ANKS1B: variants seen among roughly 807,000 people sequenced by gnomAD.
The protein encoded by ANKS1B is ankyrin repeat and sterile alpha motif domain-containing protein 1B.
In ANKS1B, 36 loss-of-function variants were observed where a neutral mutation model predicts 148.3. The ratio of observed to expected loss-of-function variants is 0.24; its 90% confidence interval spans 0.19 to 0.32. The LOEUF is 0.32. Ranked by LOEUF, ANKS1B falls within the 10% of genes least tolerant of loss-of-function variation. The pLI is 1.00. For synonymous variants in ANKS1B, 542 were observed against 560.8 expected, an observed-to-expected ratio of 0.97 and a Z score of 0.47; for missense variants, 1,157 against 1,542.6, an observed-to-expected ratio of 0.75 and a Z score of 4.19.
intron 14 of ANKS1B, among the ~76,000 whole-genome samples, chr12:99,226,539 T>C (rs748806252): frequency 1.4e-4 from 21 of 151,790 alleles, no homozygotes; most frequent in Admixed American, 2.0e-4. Context: ...CATATATAAT[T>C]ATATCACATC....
At chr12:98,922,588 T>C (rs1249885612) in intron 17 of ANKS1B, among the ~76,000 whole-genome samples, 2 of 152,164 alleles carry the variant, frequency 1.3e-5, no homozygotes, top group African/African-American at 2.4e-5. Context: ...AACCTCTGCC[T>C]CCTGGGTTCA....
At chr12:99,502,955 G>C (rs2096670098) in intron 10 of ANKS1B, among the ~76,000 whole-genome samples, 1 of 152,040 alleles carries the variant, frequency 6.6e-6, no homozygotes, top group South Asian at 2.1e-4. Flanking sequence ...TATTTATTTA[G>C]AGACAGGGTA....
chr12:99,418,124 A>C (rs562280642), intron 11 of ANKS1B, among the ~76,000 whole-genome samples: 202 of 152,342 alleles, frequency 1.3e-3, no homozygotes, highest in African/African-American at 4.5e-3. Flanking sequence ...TAATAACATA[A>C]AACATGCAAA....
intron 15 of ANKS1B, among the ~76,000 whole-genome samples, chr12:99,124,274 T>C (rs181037954): frequency 1.3e-5 from 2 of 152,294 alleles, no homozygotes; most frequent in African/African-American, 4.8e-5. Flanking sequence ...AATCAGACTC[T>C]GGATGTTTTT....
chr12:98,820,257 G>A lies in ANKS1B; in HGVS notation c.3066+8917C>T, dbSNP rs150856750. Among the ~76,000 whole-genome samples the A allele has an allele frequency of 3.8e-4, 58 of 152,294 alleles. 1 individual carries two copies. The East Asian group carries it at 0.011, about 28-fold the overall frequency. On this transcript the variant is annotated intron_variant, in intron 19 of 26. Transcript: ENST00000683438. ...CTGCTGGCATTGGAATCCTGGTTCT[G>A]TACCTTTTAATTTTTGTGGCCGTGG...
chr12:99,506,254 T>TATTTTGAAAAAATTTTGA (rs564330770), intron 9 of ANKS1B, among the ~76,000 whole-genome samples: 84 of 152,108 alleles, frequency 5.5e-4, no homozygotes, highest in African/African-American at 2.0e-3. Flanking sequence ...GAAAATAGAC[T>TATTTTGAAAAAATTTTGA]AATATTTTTG....
chr12:99,190,785 C>A lies in ANKS1B; in HGVS notation c.2420-36390G>T, dbSNP rs1432891553. 2.6e-5 allele frequency among the ~76,000 whole-genome samples: 4 copies of A among 152,068 alleles called. 1 individual carries two copies. The highest frequency in any genetic ancestry group is 5.9e-5 in the Non-Finnish European group (4 of 68,016). ...ATACCATTCAGGACACAGGCATGGG[C>A]AAAGACTTCATGACTAAAACACCAA... On this transcript the variant is annotated intron_variant, in intron 14 of 26. Transcript: ENST00000683438.
chr12:99,419,077 G>T (rs2095002892), intron 11 of ANKS1B, among the ~76,000 whole-genome samples: 1 of 152,050 alleles, frequency 6.6e-6, no homozygotes, highest in African/African-American at 2.4e-5. Flanking sequence ...GAGGAATATT[G>T]CTCTGGGGTG....
chr12:98,934,094 G>A, intron 17 of ANKS1B, among the ~76,000 whole-genome samples: 1 of 151,994 alleles, frequency 6.6e-6, no homozygotes, highest in Middle Eastern at 3.2e-3. Context: ...ACTGTCAAGT[G>A]GTTTTTCATG....
At chr12:99,414,845 A>T (rs1042585993) in intron 11 of ANKS1B, among the ~76,000 whole-genome samples, 5 of 152,238 alleles carry the variant, frequency 3.3e-5, no homozygotes, top group African/African-American at 9.6e-5. Flanking sequence ...TGCCCTTTTC[A>T]GGGCAACTTG....
chr12:99,520,004 ATGTATTAT>A (rs1157058024), intron 9 of ANKS1B, among the ~76,000 whole-genome samples: 12 of 152,088 alleles, frequency 7.9e-5, no homozygotes, highest in African/African-American at 2.9e-4. Flanking sequence ...GCTTCTCTTT[ATGTATTAT>A]TGTATTGTGT....
chr12:99,592,847 CT>C (rs2097717088), intron 9 of ANKS1B, among the ~76,000 whole-genome samples: 1 of 151,978 alleles, frequency 6.6e-6, no homozygotes, highest in South Asian at 2.1e-4. Context: ...AGTCACATAC[CT>C]GAAAGATATA....
intron 12 of ANKS1B, among the ~76,000 whole-genome samples, chr12:99,390,591 T>A (rs2152545939): frequency 6.6e-6 from 1 of 152,336 alleles, no homozygotes; most frequent in Admixed American, 6.5e-5. Context: ...TGTAGCATAA[T>A]AAATAGGTAT....
At chr12:99,452,104 G>A (rs2095751373) in intron 10 of ANKS1B, among the ~76,000 whole-genome samples, 1 of 152,092 alleles carries the variant, frequency 6.6e-6, no homozygotes, top group Non-Finnish European at 1.5e-5. Context: ...AATATTGTAA[G>A]CTCTGTAAGG....
intron 17 of ANKS1B, among the ~76,000 whole-genome samples, chr12:98,912,015 C>A (rs1048658915): frequency 2.0e-5 from 3 of 152,150 alleles, no homozygotes; most frequent in African/African-American, 7.2e-5. Flanking sequence ...TCATGTGTTA[C>A]CTCCTCCTGA....
intron 9 of ANKS1B, among the ~76,000 whole-genome samples, chr12:99,617,866 A>G (rs2097990095): frequency 6.6e-6 from 1 of 152,144 alleles, no homozygotes. Flanking sequence ...CACACTTAAT[A>G]CAATCAGGTA....
At chr12:99,944,762 G>A (rs1017314916) in intron 1 of ANKS1B, among the ~76,000 whole-genome samples, 1 of 152,134 alleles carries the variant, frequency 6.6e-6, no homozygotes, top group Non-Finnish European at 1.5e-5. Flanking sequence ...ATGATACCTA[G>A]AAATATTTTT....
intron 25 of ANKS1B, among the ~76,000 whole-genome samples, chr12:98,758,009 G>C (rs754980344): frequency 3.3e-5 from 5 of 152,056 alleles, no homozygotes; most frequent in Non-Finnish European, 7.4e-5. Flanking sequence ...CATACTCTGA[G>C]CCTTGGTTTT....
At chr12:99,145,476 C>T (rs954450744) in intron 15 of ANKS1B, among the ~76,000 whole-genome samples, 2 of 151,964 alleles carry the variant, frequency 1.3e-5, no homozygotes, top group African/African-American at 4.8e-5. Flanking sequence ...GTAGGTCTTC[C>T]TTGATTAGCA....
Sources: gnomAD v4.1 joint callset for allele counts (sites outside exome capture counted in the v4.1 genomes callset) on GRCh38, gnomAD v4.1.1 for gene constraint, MANE v1.5 for transcripts, NCBI Gene and HGNC (gene_info 2026-07-23, HGNC 2026-07-21) for gene names.